Variants in HPSE2 observed in about 807,000 individuals in gnomAD.
HPSE2 encodes the protein heparanase 2 (inactive), also known as inactive heparanase-2.
Under a neutral mutation model 60.5 loss-of-function variants are expected in HPSE2, and 38 were observed. That is an observed-to-expected ratio of 0.63 (90% CI 0.48 to 0.82). The LOEUF (loss-of-function observed/expected upper bound fraction) is 0.82. Ranked by LOEUF, HPSE2 falls within the 40% of genes least tolerant of loss-of-function variation. The pLI is 0.00. For missense variants in HPSE2, 713 were observed against 740.4 expected (o/e 0.96, Z 0.43); for synonymous variants, 295 against 293.2 (o/e 1.01, Z -0.06).
chr10:98,601,238 T>C (rs1420386155), intron 9 of HPSE2, among the ~76,000 whole-genome samples: 1 of 152,168 alleles, frequency 6.6e-6, no homozygotes. Flanking sequence ...CAAAGTCTAT[T>C]AATTTAAATA....
chr10:98,800,631 T>C (rs1320150800), intron 3 of HPSE2, among the ~76,000 whole-genome samples: 2 of 151,490 alleles, frequency 1.3e-5, no homozygotes, highest in African/African-American at 4.8e-5. Context: ...CTAGCAGAAA[T>C]AGACAAATTC....
chr10:98,587,576 T>C (rs1365964245), intron 9 of HPSE2, among the ~76,000 whole-genome samples: 1 of 152,182 alleles, frequency 6.6e-6, no homozygotes, highest in Non-Finnish European at 1.5e-5. Flanking sequence ...CTCCTCTTAA[T>C]AAAAAATTCA....
chr10:99,179,918 T>C (rs1207354871), intron 2 of HPSE2, among the ~76,000 whole-genome samples: 1 of 151,998 alleles, frequency 6.6e-6, no homozygotes, highest in East Asian at 1.9e-4. Context: ...CAGATATATA[T>C]ACCAATGAAA....
At chr10:99,122,344 G>A (rs1447285497) in intron 3 of HPSE2, among the ~76,000 whole-genome samples, 1 of 151,868 alleles carries the variant, frequency 6.6e-6, no homozygotes, top group African/African-American at 2.4e-5. Flanking sequence ...TTCTTTTGGG[G>A]ATTTTGATAA....
chr10:99,164,726 C>G (rs1846996225), intron 2 of HPSE2, among the ~76,000 whole-genome samples: 1 of 152,182 alleles, frequency 6.6e-6, no homozygotes, highest in South Asian at 2.1e-4. Flanking sequence ...CAATCCAACA[C>G]TAAAGAATTC....
intron 9 of HPSE2, among the ~76,000 whole-genome samples, chr10:98,610,622 C>T (rs931038355): frequency 6.6e-6 from 1 of 152,214 alleles, no homozygotes; most frequent in African/African-American, 2.4e-5. Context: ...CAGTAAATTT[C>T]CATACCACTG....
At chr10:99,092,380 CA>C (rs1449010001) in intron 3 of HPSE2, among the ~76,000 whole-genome samples, 1 of 152,114 alleles carries the variant, frequency 6.6e-6, no homozygotes, top group Non-Finnish European at 1.5e-5. Flanking sequence ...TATTGTGACT[CA>C]ACTAATCTAT....
intron 9 of HPSE2, among the ~76,000 whole-genome samples, chr10:98,497,691 C>G (rs978431339): frequency 6.6e-6 from 1 of 152,054 alleles, no homozygotes; most frequent in Non-Finnish European, 1.5e-5. Context: ...TTGTAAATAT[C>G]AAGTCAATGT....
At chr10:99,181,444 T>C (rs1160380968) in intron 2 of HPSE2, among the ~76,000 whole-genome samples, 1 of 148,948 alleles carries the variant, frequency 6.7e-6, no homozygotes, top group African/African-American at 2.5e-5. Flanking sequence ...TGTATGTTTA[T>C]GGCACTGTCC....
intron 3 of HPSE2, among the ~76,000 whole-genome samples, chr10:98,842,686 A>G (rs1175089961): frequency 1.3e-5 from 2 of 152,060 alleles, no homozygotes; most frequent in Non-Finnish European, 2.9e-5. Context: ...CTTCTGATGA[A>G]CCTACATTGA....
intron 3 of HPSE2, among the ~76,000 whole-genome samples, chr10:98,960,746 T>TTTTTTTTTTTA (rs1955653455): frequency 7.7e-6 from 1 of 129,862 alleles, no homozygotes; most frequent in Non-Finnish European, 1.7e-5. Flanking sequence ...TTTTATTTTT[T>TTTTTTTTTTTA]TTTTTATTAT....
chr10:98,846,980 C>T (rs917825261), intron 3 of HPSE2, among the ~76,000 whole-genome samples: 3 of 152,084 alleles, frequency 2.0e-5, no homozygotes, highest in African/African-American at 4.8e-5. Flanking sequence ...GGTAAAATGA[C>T]GTCATGATCT....
At chr10:98,466,134 G>A (rs1171246701) in intron 11 of HPSE2, among the ~76,000 whole-genome samples, 2 of 152,166 alleles carry the variant, frequency 1.3e-5, no homozygotes, top group Admixed American at 1.3e-4. Context: ...GAGGTGTCAG[G>A]GAAGTAAGTC....
At chr10:98,716,228 G>T (rs1412514832) in intron 5 of HPSE2, among the ~76,000 whole-genome samples, 1 of 151,838 alleles carries the variant, frequency 6.6e-6, no homozygotes, top group Admixed American at 6.6e-5. Context: ...CAGTCTTCTT[G>T]CTATGCCCAC....
At chr10:98,778,547 T>C (rs997426227) in intron 3 of HPSE2, among the ~76,000 whole-genome samples, 3 of 152,092 alleles carry the variant, frequency 2.0e-5, no homozygotes, top group Admixed American at 2.0e-4. Context: ...GGCAGTTATA[T>C]CTGGATCAAC....
At chr10:99,056,605 T>C (rs1433886809) in intron 3 of HPSE2, among the ~76,000 whole-genome samples, 1 of 152,118 alleles carries the variant, frequency 6.6e-6, no homozygotes, top group Admixed American at 6.5e-5. Flanking sequence ...AAGGGAAAAG[T>C]GAATATTAAT....
chr10:98,814,377 C>CTTGTCTAT (rs1460419025), intron 3 of HPSE2, among the ~76,000 whole-genome samples: 2 of 152,130 alleles, frequency 1.3e-5, no homozygotes, highest in Non-Finnish European at 2.9e-5. Context: ...ATCTCTATAA[C>CTTGTCTAT]TTGTCTATTT....
chr10:98,695,848 T>A (rs10736137), intron 5 of HPSE2, among the ~76,000 whole-genome samples: 90,069 of 152,048 alleles, frequency 0.59, 27,213 homozygotes, highest in South Asian at 0.78. Flanking sequence ...TCTGGAATTC[T>A]AAAGCCAGAA....
intron 3 of HPSE2, among the ~76,000 whole-genome samples, chr10:98,816,923 C>T (rs925116165): frequency 6.6e-6 from 1 of 151,922 alleles, no homozygotes; most frequent in African/African-American, 2.4e-5. Flanking sequence ...AGAAGCAGGA[C>T]CTGAAGTAAT....
Sources: gnomAD v4.1 joint callset for allele counts (sites outside exome capture counted in the v4.1 genomes callset) on GRCh38, gnomAD v4.1.1 for gene constraint, MANE v1.5 for transcripts, NCBI Gene and HGNC (gene_info 2026-07-23, HGNC 2026-07-21) for gene names.